TMC5: variants seen among roughly 807,000 people sequenced by gnomAD.
TMC5 encodes transmembrane channel-like protein 5.
Under a neutral mutation model 110.5 loss-of-function variants are expected in TMC5, and 86 were observed. The observed-to-expected ratio is 0.78, with a 90% CI of 0.65 to 0.93. The LOEUF is 0.93. Among genes scored for constraint, TMC5 ranks in the 40% least tolerant of loss-of-function variants. The probability of loss-of-function intolerance (pLI) is 0.00; values close to 1 mark genes in which losing one functional copy is unlikely to be tolerated. For missense variants in TMC5, 1,144 were observed against 1,222.8 expected, an observed-to-expected ratio of 0.94 and a Z score of 0.96; for synonymous variants, 455 against 439.5, an observed-to-expected ratio of 1.04 and a Z score of -0.44.
chr16:19,434,223 CTA>C (rs200234164), intron 2 of TMC5, among the ~76,000 whole-genome samples: 9,719 of 113,946 alleles, frequency 0.085, 1,190 homozygotes, highest in African/African-American at 0.26. Context: ...GTATATATAT[CTA>C]TATATATAAT....
At chr16:19,469,226 C>T (rs1450580371) in intron 9 of TMC5, among the ~76,000 whole-genome samples, 1 of 151,708 alleles carries the variant, frequency 6.6e-6, no homozygotes, top group African/African-American at 2.4e-5. Context: ...TGGTGATGGG[C>T]ACCTGTAATC....
chr16:19,494,111 T>C (rs1766032905), intron 19 of TMC5, 151 bp from the exon 20 acceptor site: 2 of 633,740 alleles, frequency 3.2e-6, no homozygotes, highest in Middle Eastern at 2.8e-4. Context: ...GTTTCTTTTC[T>C]TTCACCAAAA....
rs1967446671 is a variant in TMC5 at position 19,440,103 on chromosome 16, C to T, written c.65C>T (p.Ser22Phe). The change falls in exon 3 of 22, where the codon TCT becomes TTT. Residue 22 changes from serine to phenylalanine, a missense_variant. Physicochemically the swap from Ser to Phe is radical, Grantham distance 155. Coordinates refer to ENST00000542583, the MANE Select transcript of TMC5 (RefSeq NM_001261841.2). The stretch of plus-strand genomic sequence containing the variant: ...CCAGATTACCCTGACTATTCAGGGT[C>T]TCAGAACCGTACGCAGGGGTATTTG... ...EDPDYPDYSG[S>F]QNRTQGYLKT... 1 of 1,613,964 alleles carries T rather than the reference C, an allele frequency of 6.2e-7. No individual in the cohort carries two copies. Among genetic ancestry groups the T allele is most frequent in the Admixed American group, 1.7e-5 (1 of 59,992 alleles).
intron 1 of TMC5, among the ~76,000 whole-genome samples, chr16:19,429,005 T>C (rs536903330): frequency 7.2e-5 from 11 of 152,178 alleles, no homozygotes; most frequent in African/African-American, 2.4e-4. Context: ...TTCTTATTTT[T>C]AGTAGAGATG....
intron 7 of TMC5, 99 bp from the exon 8 acceptor site, chr16:19,463,677 A>G (rs1485671547): frequency 1.8e-5 from 25 of 1,420,902 alleles, no homozygotes; most frequent in Non-Finnish European, 2.3e-5. Context: ...ACTTAACAAT[A>G]CTCCAGACAT....
chr16:19,467,569 TC>T (rs1218645548), intron 9 of TMC5, among the ~76,000 whole-genome samples: 1 of 151,366 alleles, frequency 6.6e-6, no homozygotes, highest in African/African-American at 2.4e-5. Context: ...GCAACCTCTG[TC>T]CCCCAGGTTC....
intron 10 of TMC5, among the ~76,000 whole-genome samples, chr16:19,470,942 T>A (rs1436544116): frequency 1.3e-5 from 2 of 151,710 alleles, no homozygotes; most frequent in Non-Finnish European, 2.9e-5. Context: ...AGGCTGAGGC[T>A]GGAGAATCGC....
At chr16:19,474,009 TAG>T in intron 11 of TMC5, 114 bp from the exon 12 acceptor site, 4 of 958,336 alleles carry the variant, frequency 4.2e-6, no homozygotes, top group Non-Finnish European at 6.1e-6. Context: ...AATAGATAAA[TAG>T]TTAACCGCAG....
At chr16:19,484,048 CT>C (rs1968679046) in intron 15 of TMC5, among the ~76,000 whole-genome samples, 1 of 150,126 alleles carries the variant, frequency 6.7e-6, no homozygotes, top group Non-Finnish European at 1.5e-5. Flanking sequence ...CGCCATTGCA[CT>C]CCAGCCTGGG....
chr16:19,450,841 A>C (rs9928055), intron 5 of TMC5, among the ~76,000 whole-genome samples: 4,786 of 152,306 alleles, frequency 0.031, 247 homozygotes, highest in African/African-American at 0.11. Context: ...TATTCATATA[A>C]TTATTATGAT....
chr16:19,449,591 C>A lies in TMC5; in HGVS notation c.1008C>A (p.Asn336Lys), dbSNP rs770451801. Reference sequence around the variant, plus strand: ...GTGGTCCTGTCCATGCTTATGGAAACCCACCATTGTCTGAATGTGATTGGC... The same window carrying A: ...GTGGTCCTGTCCATGCTTATGGAAAACCACCATTGTCTGAATGTGATTGGC... ...GESGPVHAYGNPPLSECDWHK... is the reference protein window; with the variant it reads ...GESGPVHAYGKPPLSECDWHK... The change falls in exon 5 of 22, where the codon AAC becomes AAA. Residue 336 changes from asparagine (N) to lysine (K), a missense_variant. Coordinates refer to ENST00000542583, the MANE Select transcript of TMC5 (RefSeq NM_001261841.2). 192 of 1,614,050 alleles carry A rather than the reference C, an allele frequency of 1.2e-4. No homozygotes were observed. The highest frequency in any genetic ancestry group is 1.6e-4 in the Non-Finnish European group (188 of 1,180,040).
At chr16:19,455,269 GA>G (rs1967839244) in intron 5 of TMC5, among the ~76,000 whole-genome samples, 1 of 151,742 alleles carries the variant, frequency 6.6e-6, no homozygotes, top group Non-Finnish European at 1.5e-5. Flanking sequence ...CCAACATGGT[GA>G]AACCTCGTCT....
intron 3 of TMC5, among the ~76,000 whole-genome samples, chr16:19,441,209 A>G (rs1967481618): frequency 6.6e-6 from 1 of 152,154 alleles, no homozygotes; most frequent in Admixed American, 6.5e-5. Flanking sequence ...ACAGTGATGA[A>G]TTGTTATCCA....
Position 19,430,566 on chromosome 16 carries a change from A to G in TMC5, c.-154A>G, listed in dbSNP as rs1439510867. 1 of 152,518 alleles carries G rather than the reference A, an allele frequency of 6.6e-6. No individual in the cohort carries two copies. The highest frequency in any genetic ancestry group is 2.4e-5 in the African/African-American group (1 of 41,448). The allele number at this position is 152,518 out of a possible 1,614,324, so 9.4% of individuals were successfully genotyped here. On this transcript the variant is annotated 5_prime_UTR_variant, in exon 2 of 22. Transcript: ENST00000542583. Reference sequence around the variant, plus strand: ...ACACGTGACTCCAGTGTTCTCAACAACATCTTAAGATCAAGTTGGTTTGCA... The same window carrying G: ...ACACGTGACTCCAGTGTTCTCAACAGCATCTTAAGATCAAGTTGGTTTGCA...
intron 2 of TMC5, among the ~76,000 whole-genome samples, chr16:19,436,365 A>G (rs772834090): frequency 6.6e-6 from 1 of 151,946 alleles, no homozygotes; most frequent in South Asian, 2.1e-4. Context: ...ATTTTGGGCC[A>G]ATACAGCTGT....
At chr16:19,430,097 G>A (rs990927152) in intron 1 of TMC5, among the ~76,000 whole-genome samples, 2 of 152,210 alleles carry the variant, frequency 1.3e-5, no homozygotes, top group Non-Finnish European at 2.9e-5. Flanking sequence ...TACGATAGTG[G>A]CACCTTCCAG....
chr16:19,466,427 C>T (rs1968191405), intron 9 of TMC5, among the ~76,000 whole-genome samples, 194 bp downstream of exon 9: 1 of 152,198 alleles, frequency 6.6e-6, no homozygotes, highest in Non-Finnish European at 1.5e-5. Flanking sequence ...TCTGGGCTCA[C>T]TGCAACCTCC....
Position 19,482,300 on chromosome 16 carries a change from C to T in TMC5, c.2363+835C>T, listed in dbSNP as rs565492126. On this transcript the variant is annotated intron_variant, in intron 15 of 21. Transcript: ENST00000542583. ...CTTGAACTCCTGACCTCAGGTGATC[C>T]GCCCACCTTGGTGGATCCCAAAGTG... Among the ~76,000 whole-genome samples, 43 of 152,216 alleles carry T rather than the reference C, an allele frequency of 2.8e-4. No individual in the cohort carries two copies. The South Asian group carries it at 3.5e-3, about 12-fold the overall frequency.
At chr16:19,424,968 T>G (rs1967060627) in intron 1 of TMC5, among the ~76,000 whole-genome samples, 1 of 152,172 alleles carries the variant, frequency 6.6e-6, no homozygotes, top group Non-Finnish European at 1.5e-5. Context: ...GAACCCCTGT[T>G]GAAAGCTGCC....
Sources: gnomAD v4.1 joint callset for allele counts (sites outside exome capture counted in the v4.1 genomes callset) on GRCh38, gnomAD v4.1.1 for gene constraint, MANE v1.5 for transcripts, NCBI Gene and HGNC (gene_info 2026-07-23, HGNC 2026-07-21) for gene names.